The following M1AP variants were observed in gnomAD, a reference collection of about 807,000 sequenced individuals.
M1AP encodes the protein meiosis 1 associated protein, also known as meiosis 1 arrest protein.
In M1AP, 39 loss-of-function variants were observed where a neutral mutation model predicts 51.2. The ratio of observed to expected loss-of-function variants is 0.76; its 90% confidence interval spans 0.59 to 1.00. M1AP has a LOEUF of 1.00. Among genes scored for constraint, M1AP ranks in the 50% least tolerant of loss-of-function variants. The pLI is 0.00. For synonymous variants in M1AP, 251 were observed against 249.2 expected (o/e 1.01, Z -0.07); for missense variants, 545 against 641.2 (o/e 0.85, Z 1.62).
At chr2:74,634,403 T>C (rs371072772) in intron 2 of M1AP, among the ~76,000 whole-genome samples, 2 of 152,162 alleles carry the variant, frequency 1.3e-5, no homozygotes, top group East Asian at 3.9e-4. Flanking sequence ...AAGGGAACCA[T>C]GGTGGTTTTA....
At chr2:74,597,039 G>A (rs1044573121) in intron 4 of M1AP, among the ~76,000 whole-genome samples, 3 of 152,188 alleles carry the variant, frequency 2.0e-5, no homozygotes, top group Non-Finnish European at 4.4e-5. Flanking sequence ...ATGATGATTT[G>A]TGGGCATATA....
chr2:74,591,640 T>G (rs1167686446), intron 4 of M1AP, among the ~76,000 whole-genome samples: 1 of 152,032 alleles, frequency 6.6e-6, no homozygotes, highest in Non-Finnish European at 1.5e-5. Context: ...TTTTGACTCC[T>G]TACACCTAAG....
intron 2 of M1AP, chr2:74,615,631 T>C (rs1246217849): frequency 6.4e-6 from 1 of 157,322 alleles, no homozygotes; most frequent in Non-Finnish European, 1.4e-5. Flanking sequence ...TAATACGCTC[T>C]TTAGGATAAC....
At chr2:74,606,811 T>C (rs899270241) in intron 4 of M1AP, among the ~76,000 whole-genome samples, 5 of 152,130 alleles carry the variant, frequency 3.3e-5, no homozygotes, top group African/African-American at 1.2e-4. Context: ...TGCTGGCTTC[T>C]TTTATCATTT....
chr2:74,587,158 A>G (rs1679757915), intron 4 of M1AP, among the ~76,000 whole-genome samples: 1 of 152,112 alleles, frequency 6.6e-6, no homozygotes. Flanking sequence ...TCTCATCCAC[A>G]AAATGAACTC....
At chr2:74,564,545 G>A (rs1678251927) in intron 7 of M1AP, among the ~76,000 whole-genome samples, 1 of 152,222 alleles carries the variant, frequency 6.6e-6, no homozygotes, top group Non-Finnish European at 1.5e-5. Flanking sequence ...ACCAGGTACT[G>A]TGCCAAGAGC....
intron 4 of M1AP, among the ~76,000 whole-genome samples, chr2:74,602,936 T>G (rs1244993906): frequency 2.0e-5 from 3 of 152,240 alleles, no homozygotes; most frequent in African/African-American, 7.2e-5. Context: ...TAGTGTACTC[T>G]AAGCTCTATG....
chr2:74,597,081 C>T (rs1043577582), intron 4 of M1AP, among the ~76,000 whole-genome samples: 4 of 151,940 alleles, frequency 2.6e-5, no homozygotes, highest in South Asian at 2.1e-4. Flanking sequence ...TTGTATACTT[C>T]GAATGGATGC....
At position 74,615,079 on chromosome 2, in the gene M1AP, C is replaced by T; in HGVS notation, c.311G>A (p.Cys104Tyr). Residue 104 changes from cysteine (C) to tyrosine (Y), a missense_variant, in exon 3 of 11, where the codon TGT becomes TAT. Transcript: ENST00000421985. ...CAGAGAAGCACCTTGTGATCTGAAA[C>T]ACCCTTCTCTCTGTAACATGCGGAG... ...SELRMLQREG[C>Y]FRSQGASLRL... The T allele has an allele frequency of 1.9e-6, 3 of 1,614,190 alleles. No individual in the cohort carries two copies. Among genetic ancestry groups the T allele is most frequent in the Non-Finnish European group, 2.5e-6 (3 of 1,180,022 alleles).
At chr2:74,627,819 G>A (rs1682487442) in intron 2 of M1AP, among the ~76,000 whole-genome samples, 1 of 152,148 alleles carries the variant, frequency 6.6e-6, no homozygotes, top group Non-Finnish European at 1.5e-5. Flanking sequence ...TCTCCATGAA[G>A]TGCATATTAA....
chr2:74,618,140 A>G (rs1681779491), intron 2 of M1AP, among the ~76,000 whole-genome samples: 1 of 152,224 alleles, frequency 6.6e-6, no homozygotes, highest in Non-Finnish European at 1.5e-5. Context: ...TGGTACAAGG[A>G]AGGCAAGTGG....
intron 2 of M1AP, chr2:74,628,790 A>G: frequency 2.0e-6 from 1 of 503,476 alleles, no homozygotes; most frequent in East Asian, 5.1e-5. Context: ...CACAGAGAAG[A>G]TAGACAATGA....
chr2:74,613,893 A>G (rs1432046798), intron 3 of M1AP, among the ~76,000 whole-genome samples: 2 of 152,232 alleles, frequency 1.3e-5, no homozygotes, highest in Non-Finnish European at 2.9e-5. Flanking sequence ...GGCTCAAGCC[A>G]TCTTCCTGCC....
intron 4 of M1AP, among the ~76,000 whole-genome samples, chr2:74,605,854 T>C (rs1364211378): frequency 1.3e-5 from 2 of 150,158 alleles, no homozygotes; most frequent in African/African-American, 2.5e-5. Context: ...TGAGCCGAGA[T>C]CGCGCCACCG....
At chr2:74,569,115 T>C (rs1224805928) in intron 7 of M1AP, among the ~76,000 whole-genome samples, 1 of 152,144 alleles carries the variant, frequency 6.6e-6, no homozygotes, top group African/African-American at 2.4e-5. Flanking sequence ...ATAACCATGA[T>C]TAGTATATTT....
In M1AP at chr2:74,621,750, G is replaced by A. The variant is rs1204767664; in HGVS notation, c.241-6601C>T. 6.6e-5 allele frequency among the ~76,000 whole-genome samples: 10 copies of A among 151,786 alleles called. No homozygotes were observed. In the East Asian group the frequency reaches 7.8e-4, roughly 12 times the overall value. Reference sequence around the variant, plus strand: ...AGAGCTTGCAGTGAGCCGAGATCGCGCTACTGCACTCCAGCCTGGGAAACA... The same window carrying A: ...AGAGCTTGCAGTGAGCCGAGATCGCACTACTGCACTCCAGCCTGGGAAACA... On this transcript the variant is annotated intron_variant, in intron 2 of 10. Transcript: ENST00000421985.
intron 4 of M1AP, among the ~76,000 whole-genome samples, chr2:74,595,708 T>C (rs1459331534): frequency 1.3e-5 from 2 of 152,216 alleles, no homozygotes; most frequent in African/African-American, 2.4e-5. Context: ...ACATGAAAGA[T>C]AGTGTATGTG....
At chr2:74,633,640 C>T (rs529310782) in intron 2 of M1AP, among the ~76,000 whole-genome samples, 22 of 152,232 alleles carry the variant, frequency 1.4e-4, no homozygotes, top group Admixed American at 2.6e-4. Flanking sequence ...GGTCCTTATA[C>T]CTATTGATGG....
At chr2:74,559,385 C>T (rs1220822196) in intron 10 of M1AP, among the ~76,000 whole-genome samples, 1 of 152,166 alleles carries the variant, frequency 6.6e-6, no homozygotes, top group Non-Finnish European at 1.5e-5. Context: ...GTCTCAAACT[C>T]CTGAGCTCAA....
Sources: gnomAD v4.1 joint callset for allele counts (sites outside exome capture counted in the v4.1 genomes callset) on GRCh38, gnomAD v4.1.1 for gene constraint, MANE v1.5 for transcripts, NCBI Gene and HGNC (gene_info 2026-07-23, HGNC 2026-07-21) for gene names.